Variants in ZFAT observed in about 807,000 individuals in gnomAD.
ZFAT encodes zinc finger protein ZFAT.
In ZFAT, 64 loss-of-function variants were observed where a neutral mutation model predicts 117.7. The observed-to-expected ratio is 0.54, with a 90% CI of 0.44 to 0.67. The LOEUF is 0.67. Ranked by LOEUF, ZFAT falls within the 30% of genes least tolerant of loss-of-function variation. The pLI is 0.00. For missense variants in ZFAT, 1,433 were observed against 1,584.5 expected (o/e 0.90, Z 1.62); for synonymous variants, 679 against 615.0 (o/e 1.10, Z -1.54).
At chr8:134,791,233 AG>A in the ZFAT span, among the ~76,000 whole-genome samples, 1 of 152,180 alleles carries the variant, frequency 6.6e-6, no homozygotes, top group African/African-American at 2.4e-5. Context: ...TCCACCCTAA[AG>A]TCTTGGGTTC....
the ZFAT span, among the ~76,000 whole-genome samples, chr8:134,728,668 A>C: frequency 1.3e-5 from 2 of 152,192 alleles, no homozygotes; most frequent in Non-Finnish European, 2.9e-5. Flanking sequence ...ACTGGTGAAA[A>C]ATTAGCCAAG....
At chr8:134,786,203 T>C in the ZFAT span, among the ~76,000 whole-genome samples, 1 of 152,352 alleles carries the variant, frequency 6.6e-6, no homozygotes, top group East Asian at 1.9e-4. Context: ...TAACAATAAT[T>C]GATTCTCTCT....
intron 12 of ZFAT, among the ~76,000 whole-genome samples, chr8:134,526,218 T>C (rs1208380366): frequency 6.6e-6 from 1 of 152,202 alleles, no homozygotes; most frequent in African/African-American, 2.4e-5. Flanking sequence ...ATTCTTATAT[T>C]ATATTTAAAT....
At chr8:134,566,347 T>C (rs371513623) in intron 10 of ZFAT, among the ~76,000 whole-genome samples, 1 of 121,578 alleles carries the variant, frequency 8.2e-6, no homozygotes, top group Non-Finnish European at 1.6e-5. Flanking sequence ...TGAGCCGAGA[T>C]AGCGCTACTG....
At chr8:134,508,576 C>T (rs11995616) in intron 15 of ZFAT, among the ~76,000 whole-genome samples, 23,364 of 152,164 alleles carry the variant, frequency 0.15, 2,850 homozygotes, top group African/African-American at 0.33. Context: ...ATCACCCCAA[C>T]CCACACTCCT....
intron 15 of ZFAT, among the ~76,000 whole-genome samples, chr8:134,486,131 A>C (rs1817638653): frequency 1.3e-5 from 2 of 152,184 alleles, no homozygotes; most frequent in African/African-American, 4.8e-5. Context: ...AAAATGAAAA[A>C]CCAGAATGAC....
the ZFAT span, among the ~76,000 whole-genome samples, chr8:134,814,747 C>G: frequency 7.1e-4 from 108 of 152,342 alleles, 2 homozygotes; most frequent in South Asian, 0.02. Flanking sequence ...ACTGTGTTTA[C>G]TTGTCTGTTT....
intron 2 of ZFAT, among the ~76,000 whole-genome samples, chr8:134,654,921 CTA>C (rs1831498768): frequency 6.6e-6 from 1 of 152,180 alleles, no homozygotes; most frequent in South Asian, 2.1e-4. Flanking sequence ...TGAAACAAGT[CTA>C]GTTGTGGGGT....
chr8:134,748,990 A>G, the ZFAT span, among the ~76,000 whole-genome samples: 4 of 151,996 alleles, frequency 2.6e-5, no homozygotes, highest in Non-Finnish European at 5.9e-5. Context: ...TTAGAAAAAG[A>G]AAAAAAAGTG....
At chr8:134,801,630 C>T in the ZFAT span, among the ~76,000 whole-genome samples, 1 of 152,144 alleles carries the variant, frequency 6.6e-6, no homozygotes, top group Admixed American at 6.6e-5. Context: ...GTTTTAACTA[C>T]TTCTATTACA....
chr8:134,487,137 C>T lies in ZFAT; in HGVS notation c.3493-8416G>A, dbSNP rs117684796. ...GATGTGATATGTGTGTATACATGTA[C>T]GCAGGTATGGGCATGGCTTTGTGTC... On this transcript the variant is annotated intron_variant, in intron 15 of 15. Coordinates refer to ENST00000377838, the MANE Select transcript of ZFAT (RefSeq NM_020863.4). Among the ~76,000 whole-genome samples, 52 of 152,206 alleles carry T rather than the reference C, an allele frequency of 3.4e-4. No individual in the cohort carries two copies. In the Middle Eastern group the frequency reaches 0.01, roughly 30 times the overall value.
At chr8:134,486,965 T>C (rs973211280) in intron 15 of ZFAT, among the ~76,000 whole-genome samples, 1 of 152,190 alleles carries the variant, frequency 6.6e-6, no homozygotes, top group Admixed American at 6.5e-5. Flanking sequence ...TATCTGTATG[T>C]ACAGGTGTGT....
At chr8:134,541,667 G>T (rs1222062761) in intron 11 of ZFAT, among the ~76,000 whole-genome samples, 2 of 152,210 alleles carry the variant, frequency 1.3e-5, no homozygotes, top group African/African-American at 4.8e-5. Context: ...GAAGGGAAGA[G>T]AATGGAGAAT....
rs570050934 is a variant in ZFAT, at chr8:134,576,223, G to A, written c.2887+7609C>T. Among the ~76,000 whole-genome samples the A allele has an allele frequency of 2.1e-4, 32 of 152,302 alleles. 1 individual carries two copies. The highest frequency in any genetic ancestry group is 7.5e-4 in the African/African-American group (31 of 41,566). ...CTAAGCTAATTGCTCAGTAAGCTGC[G>A]TAGTTCATTTTATAGTATGGGCCCA... On this transcript the variant is annotated intron_variant, in intron 10 of 15. Transcript: ENST00000377838.
At chr8:134,679,148 G>C (rs1832943807) in intron 1 of ZFAT, among the ~76,000 whole-genome samples, 1 of 152,084 alleles carries the variant, frequency 6.6e-6, no homozygotes, top group Admixed American at 6.6e-5. Flanking sequence ...AGAGTCAACA[G>C]GCAACCTACC....
At chr8:134,649,203 C>CACACACACACACACACACA (rs35498428) in intron 2 of ZFAT, among the ~76,000 whole-genome samples, 5 of 143,778 alleles carry the variant, frequency 3.5e-5, no homozygotes, top group African/African-American at 1.1e-4. Context: ...ACACACACAC[C>CACACACACACACACACACA]CCATCATACT....
At chr8:134,550,325 A>AAAAAAAC (rs1554643706) in intron 11 of ZFAT, among the ~76,000 whole-genome samples, 1 of 150,536 alleles carries the variant, frequency 6.6e-6, no homozygotes, top group African/African-American at 2.5e-5. Flanking sequence ...AAAAAAAAAA[A>AAAAAAAC]AAAAAAACAG....
chr8:134,722,179 C>T, the ZFAT span, among the ~76,000 whole-genome samples: 48 of 152,228 alleles, frequency 3.2e-4, no homozygotes, highest in African/African-American at 9.9e-4. Context: ...GCAATGGCAA[C>T]GGGACAGAGC....
At chr8:134,510,045 C>CTTGAACCCACT (rs1819699897) in intron 14 of ZFAT, 2 of 476,158 alleles carry the variant, frequency 4.2e-6, no homozygotes, top group Non-Finnish European at 8.3e-6. Context: ...CACCACAAAG[C>CTTGAACCCACT]CAGAACTTGA....
Sources: gnomAD v4.1 joint callset for allele counts (sites outside exome capture counted in the v4.1 genomes callset) on GRCh38, gnomAD v4.1.1 for gene constraint, MANE v1.5 for transcripts, NCBI Gene and HGNC (gene_info 2026-07-23, HGNC 2026-07-21) for gene names.